Variants in ANKRD62 observed in about 807,000 individuals in gnomAD.
ANKRD62 encodes the protein ankyrin repeat domain-containing protein 62.
ANKRD62 carries 61 observed loss-of-function variants against 98.8 expected under a neutral mutation model. The observed-to-expected ratio is 0.62, with a 90% CI of 0.50 to 0.76. The LOEUF (loss-of-function observed/expected upper bound fraction) is 0.76. ANKRD62 is among the 30% of genes least tolerant of loss of function. The pLI is 0.00. For synonymous variants in ANKRD62, 341 were observed against 367.9 expected (o/e 0.93, Z 0.84); for missense variants, 933 against 1,082.9 (o/e 0.86, Z 1.94).
chr18:12,151,606 A>T, the ANKRD62 span, among the ~76,000 whole-genome samples: 1 of 152,168 alleles, frequency 6.6e-6, no homozygotes, highest in Non-Finnish European at 1.5e-5. Flanking sequence ...AATAAAAATT[A>T]GTGTTAGAAA....
chr18:12,095,113 G>A (rs537370689), intron 1 of ANKRD62, 58 bp from the exon 2 acceptor site: 51 of 1,176,164 alleles, frequency 4.3e-5, no homozygotes, highest in South Asian at 2.9e-4. Context: ...TGCATGCGTC[G>A]TTGTATGTTT....
the ANKRD62 span, among the ~76,000 whole-genome samples, chr18:12,139,029 T>C: frequency 7.9e-5 from 12 of 152,204 alleles, no homozygotes; most frequent in African/African-American, 2.9e-4. Flanking sequence ...AATTGGAGCA[T>C]TTAGCCCATT....
intron 8 of ANKRD62, among the ~76,000 whole-genome samples, chr18:12,109,960 A>C (rs1052505973): frequency 6.6e-6 from 1 of 151,798 alleles, no homozygotes; most frequent in Non-Finnish European, 1.5e-5. Context: ...CAAAAAAAAA[A>C]AAAAAAAAAA....
the ANKRD62 span, among the ~76,000 whole-genome samples, chr18:12,167,464 CT>C: frequency 6.6e-6 from 1 of 152,184 alleles, no homozygotes; most frequent in African/African-American, 2.4e-5. Context: ...AGGACATGAA[CT>C]CATCCTTTTT....
chr18:12,139,796 A>G, the ANKRD62 span, among the ~76,000 whole-genome samples: 2 of 151,984 alleles, frequency 1.3e-5, no homozygotes, highest in African/African-American at 4.8e-5. Context: ...CCTTCATTTC[A>G]ACTTTGGTGA....
chr18:12,160,721 T>C, the ANKRD62 span, among the ~76,000 whole-genome samples: 1 of 152,208 alleles, frequency 6.6e-6, no homozygotes, highest in Non-Finnish European at 1.5e-5. Flanking sequence ...GTAATTCACC[T>C]TCTTTATTTC....
the ANKRD62 span, among the ~76,000 whole-genome samples, chr18:12,146,109 T>G: frequency 6.6e-6 from 1 of 151,846 alleles, no homozygotes; most frequent in Non-Finnish European, 1.5e-5. Context: ...GTAGAAGTGG[T>G]AGCACAGCAC....
intron 7 of ANKRD62, among the ~76,000 whole-genome samples, chr18:12,103,957 GA>G (rs1435883285): frequency 6.6e-6 from 1 of 151,948 alleles, no homozygotes; most frequent in Non-Finnish European, 1.5e-5. Context: ...TAAAATGTAA[GA>G]ATTTGCTTTT....
chr18:12,130,228 T>A (rs994185355), downstream of ANKRD62, among the ~76,000 whole-genome samples: 1 of 152,198 alleles, frequency 6.6e-6, no homozygotes, highest in Non-Finnish European at 1.5e-5. Context: ...GTTTCTCAAT[T>A]TTCTACTTTT....
At chr18:12,130,209 AT>A (rs1253251031), downstream of ANKRD62, among the ~76,000 whole-genome samples, 3 of 152,222 alleles carry the variant, frequency 2.0e-5, no homozygotes, top group East Asian at 3.9e-4. Context: ...AGGTAAAAAA[AT>A]AACAACAGTT....
chr18:12,137,273 C>G, the ANKRD62 span, among the ~76,000 whole-genome samples: 198 of 152,134 alleles, frequency 1.3e-3, no homozygotes, highest in African/African-American at 4.1e-3. Context: ...GTTGAATTTT[C>G]TCAAAGGCCT....
At chr18:12,156,217 C>T in the ANKRD62 span, among the ~76,000 whole-genome samples, 5 of 152,080 alleles carry the variant, frequency 3.3e-5, no homozygotes, top group South Asian at 2.1e-4. Flanking sequence ...GCCACGCCTC[C>T]GGTGCAGTTT....
rs1314453127 is a variant in ANKRD62, at chr18:12,115,511, A to G, written c.1217A>G (p.Glu406Gly). Reference sequence around the variant, plus strand: ...GATGAGAATTTTATGTTACTCATTGAACAAAGTGGAATGGAGTGTAAAGGT... The same window carrying G: ...GATGAGAATTTTATGTTACTCATTGGACAAAGTGGAATGGAGTGTAAAGGT... ...SDDENFMLLI[E>G]QSGMECKDFV... Residue 406 changes from glutamate to glycine, a missense_variant, in exon 10 of 14, where the codon GAA becomes GGA. Physicochemically the swap from Glu to Gly is moderately conservative, Grantham distance 98. Around this residue, in one of 3 missense-constraint regions of ANKRD62, gnomAD observed 549 missense variants for 587.9 expected, o/e 0.93. Transcript: ENST00000587848. The G allele has an allele frequency of 1.2e-5, 18 of 1,536,814 alleles. No homozygotes were observed. The highest frequency in any genetic ancestry group is 1.5e-5 in the Non-Finnish European group (17 of 1,146,114).
In ANKRD62 at chr18:12,115,123, T is replaced by C; in HGVS notation, c.1098+2T>C. On this transcript the variant is annotated splice_donor_variant, in intron 9 of 13. Coordinates refer to ENST00000587848, the MANE Select transcript of ANKRD62 (RefSeq NM_001277333.2). LOFTEE classifies it high-confidence loss of function. ...AAAACCTCTAATGAAAAGAGCAAGG[T>C]ATTATAAAAGTAAATTGTCAAGAAT... is the stretch of plus-strand genomic sequence containing the variant. The C allele has an allele frequency of 7.1e-7, 1 of 1,407,534 alleles. No homozygotes were observed. Among genetic ancestry groups the C allele is most frequent in the Non-Finnish European group, 9.2e-7 (1 of 1,088,152 alleles). 87.2% of individuals were successfully genotyped at this position (1,407,534 alleles called of 1,614,324 possible).
the ANKRD62 span, among the ~76,000 whole-genome samples, chr18:12,153,507 G>A: frequency 8.0e-5 from 12 of 150,340 alleles, no homozygotes; most frequent in East Asian, 1.4e-3. Flanking sequence ...CAAGAGAATC[G>A]CTTGAACCTG....
the ANKRD62 span, among the ~76,000 whole-genome samples, chr18:12,137,276 A>G: frequency 6.6e-6 from 1 of 152,198 alleles, no homozygotes; most frequent in Non-Finnish European, 1.5e-5. Context: ...GAATTTTCTC[A>G]AAGGCCTTTT....
At chr18:12,100,202 A>G (rs1909269462) in intron 6 of ANKRD62, among the ~76,000 whole-genome samples, 1 of 152,184 alleles carries the variant, frequency 6.6e-6, no homozygotes, top group Non-Finnish European at 1.5e-5. Context: ...AACCTTATTG[A>G]TTATACAGTT....
At chr18:12,122,624 A>G in intron 11 of ANKRD62, 108 bp downstream of exon 11, 1 of 940,106 alleles carries the variant, frequency 1.1e-6, no homozygotes. Flanking sequence ...AGAGAAGAAA[A>G]CCTCTTAAAA....
chr18:12,152,585 A>C, the ANKRD62 span, among the ~76,000 whole-genome samples: 1 of 152,310 alleles, frequency 6.6e-6, no homozygotes, highest in African/African-American at 2.4e-5. Flanking sequence ...CATGTCTTGA[A>C]ATAATAAGAG....
Sources: allele counts gnomAD v4.1 joint callset (sites outside exome capture counted in the v4.1 genomes callset), GRCh38; gene constraint gnomAD v4.1.1; regional missense constraint gnomAD v4.1.1; transcripts MANE v1.5; gene names NCBI Gene and HGNC (gene_info 2026-07-23, HGNC 2026-07-21).